The following IDE variants were observed in gnomAD, a reference collection of about 807,000 sequenced individuals.
IDE encodes the protein insulin-degrading enzyme.
A neutral mutation model predicts 133.2 loss-of-function variants in IDE; 58 were observed. The ratio of observed to expected loss-of-function variants is 0.44; its 90% CI spans 0.35 to 0.54. The LOEUF (loss-of-function observed/expected upper bound fraction) is 0.54. Ranked by LOEUF, IDE falls within the 20% of genes least tolerant of loss-of-function variation. The pLI, the probability that IDE is intolerant of heterozygous loss-of-function variation, is 0.00. For missense variants in IDE, 981 were observed against 1,234.0 expected, an observed-to-expected ratio of 0.79 and a Z score of 3.07; for synonymous variants, 396 against 421.3, an observed-to-expected ratio of 0.94 and a Z score of 0.73.
At chr10:92,485,125 CTTTT>C (rs34615998) in intron 13 of IDE, among the ~76,000 whole-genome samples, 2,497 of 100,836 alleles carry the variant, frequency 0.025, 28 homozygotes, top group Admixed American at 0.07. Flanking sequence ...TTCTTTCTTT[CTTTT>C]TTTTTTTTTT....
At chr10:92,529,289 C>G (rs546833967) in intron 4 of IDE, among the ~76,000 whole-genome samples, 2 of 152,240 alleles carry the variant, frequency 1.3e-5, no homozygotes, top group South Asian at 4.1e-4. Flanking sequence ...TTCAAATGTA[C>G]CTGTGACCTT....
chr10:92,508,288 G>A, intron 7 of IDE, 83 bp from the exon 8 acceptor site: 3 of 1,011,418 alleles, frequency 3.0e-6, no homozygotes, highest in South Asian at 2.8e-5. Context: ...AATTCATACT[G>A]TATGTTCCTA....
chr10:92,563,407 G>A (rs1843373269), intron 1 of IDE, among the ~76,000 whole-genome samples: 1 of 149,428 alleles, frequency 6.7e-6, no homozygotes, highest in Non-Finnish European at 1.5e-5. Context: ...AGCCAAGATT[G>A]CACCATTGCA....
intron 11 of IDE, among the ~76,000 whole-genome samples, chr10:92,496,950 C>T (rs1053677524): frequency 5.9e-5 from 9 of 152,224 alleles, no homozygotes; most frequent in South Asian, 4.1e-4. Flanking sequence ...TGGAGATGGG[C>T]AAATGCTGTA....
At chr10:92,511,332 A>G (rs1011758113) in intron 5 of IDE, among the ~76,000 whole-genome samples, 1 of 151,978 alleles carries the variant, frequency 6.6e-6, no homozygotes, top group African/African-American at 2.4e-5. Context: ...CAAACTCCTG[A>G]GCTCAAGTGA....
intron 1 of IDE, among the ~76,000 whole-genome samples, chr10:92,544,269 A>G (rs1842440354): frequency 6.6e-6 from 1 of 152,066 alleles, no homozygotes. Flanking sequence ...CCATTGTACA[A>G]ATCTAATCCT....
intron 1 of IDE, among the ~76,000 whole-genome samples, chr10:92,563,254 G>C (rs1406289485): frequency 6.9e-6 from 1 of 144,726 alleles, no homozygotes; most frequent in Admixed American, 6.9e-5. Flanking sequence ...TCCACCTCGG[G>C]GGGGAAAAAA....
At chr10:92,488,318 G>A (rs552469083) in intron 12 of IDE, among the ~76,000 whole-genome samples, 14 of 152,170 alleles carry the variant, frequency 9.2e-5, no homozygotes, top group African/African-American at 3.4e-4. Context: ...TGCCCACGCT[G>A]GTGTCAAACT....
At chr10:92,573,637 C>A (rs1260245681) in intron 1 of IDE, among the ~76,000 whole-genome samples, 1 of 152,252 alleles carries the variant, frequency 6.6e-6, no homozygotes, top group Non-Finnish European at 1.5e-5. Flanking sequence ...CTGCGCCCCC[C>A]GCACTAGTGG....
chr10:92,515,892 C>T (rs1198867162), intron 4 of IDE, among the ~76,000 whole-genome samples: 6 of 149,514 alleles, frequency 4.0e-5, no homozygotes, highest in Admixed American at 6.7e-5. Context: ...TACTTTTGGC[C>T]GGGTGCATGG....
At chr10:92,495,986 T>A (rs1201258032) in intron 11 of IDE, among the ~76,000 whole-genome samples, 2 of 152,022 alleles carry the variant, frequency 1.3e-5, no homozygotes, top group Non-Finnish European at 2.9e-5. Flanking sequence ...GCGATTTCCA[T>A]GCCTCAGCCT....
In IDE at chr10:92,455,724, T is replaced by G. The variant is rs1844971361; in HGVS notation, c.2897-81A>C. ...ACAAAAAAAAAAAACTAAACCAGACTCAGTTAATTAAAAACACCGCACCAG... is the reference window on the plus strand; with the variant it reads ...ACAAAAAAAAAAAACTAAACCAGACGCAGTTAATTAAAAACACCGCACCAG... On this transcript the variant is annotated intron_variant, in intron 23 of 24. Coordinates refer to ENST00000265986, the MANE Select transcript of IDE (RefSeq NM_004969.4). 3.6e-6 allele frequency: 3 copies of G among 836,164 alleles called. No homozygotes were observed. In the South Asian group the frequency reaches 4.6e-5, roughly 13 times the overall value. 51.8% of individuals were successfully genotyped at this position (836,164 alleles called of 1,614,324 possible). A position where few individuals can be genotyped will look rare whatever the true frequency, so the allele number is the denominator to read the frequency against.
chr10:92,566,356 C>T (rs1843544726), intron 1 of IDE, among the ~76,000 whole-genome samples: 1 of 151,746 alleles, frequency 6.6e-6, no homozygotes, highest in African/African-American at 2.4e-5. Context: ...CACGCCACTG[C>T]ACTCCACCTA....
At chr10:92,561,863 G>A (rs117676277) in intron 1 of IDE, among the ~76,000 whole-genome samples, 5,006 of 151,652 alleles carry the variant, frequency 0.033, 134 homozygotes, top group Admixed American at 0.06. Flanking sequence ...TACTTTCGGA[G>A]CAATTTACAT....
At chr10:92,539,129 A>G (rs1373577828) in intron 1 of IDE, among the ~76,000 whole-genome samples, 1 of 152,138 alleles carries the variant, frequency 6.6e-6, no homozygotes, top group East Asian at 1.9e-4. Flanking sequence ...CAATCTGCAT[A>G]ACAATTGATA....
At chr10:92,555,677 G>A (rs1842971768) in intron 1 of IDE, among the ~76,000 whole-genome samples, 1 of 152,058 alleles carries the variant, frequency 6.6e-6, no homozygotes, top group South Asian at 2.1e-4. Context: ...AGGAATAAAA[G>A]AGAATTTCCT....
At chr10:92,487,147 G>A in intron 13 of IDE, 49 bp downstream of exon 13, 1 of 1,564,558 alleles carries the variant, frequency 6.4e-7, no homozygotes, top group Non-Finnish European at 8.7e-7. Context: ...AGTCCCCCAT[G>A]TATTAGGTCT....
chr10:92,506,013 G>A (rs898450049), intron 10 of IDE, among the ~76,000 whole-genome samples: 3 of 152,128 alleles, frequency 2.0e-5, no homozygotes, highest in Admixed American at 6.6e-5. Context: ...AAAAGATCAC[G>A]AGCCTGGAAA....
chr10:92,503,272 T>C (rs185543357), intron 11 of IDE, among the ~76,000 whole-genome samples: 102 of 152,142 alleles, frequency 6.7e-4, no homozygotes, highest in African/African-American at 2.2e-3. Flanking sequence ...CTATAAAAAA[T>C]TGTTCTTGAA....
Sources: allele counts gnomAD v4.1 joint callset (sites outside exome capture counted in the v4.1 genomes callset), GRCh38; gene constraint gnomAD v4.1.1; transcripts MANE v1.5; gene names NCBI Gene and HGNC (gene_info 2026-07-23, HGNC 2026-07-21).